Variants in SCN3A observed in about 807,000 individuals in gnomAD.
SCN3A encodes the protein sodium channel protein type 3 subunit alpha.
SCN3A carries 60 observed loss-of-function variants against 187.6 expected under a neutral mutation model. That is an observed-to-expected ratio of 0.32 (90% CI 0.26 to 0.40). SCN3A has a LOEUF of 0.40. SCN3A is among the 10% of genes least tolerant of loss of function. The pLI, the probability that SCN3A is intolerant of heterozygous loss-of-function variation, is 1.00. For missense variants in SCN3A, 1,601 were observed against 2,428.2 expected (o/e 0.66, Z 7.16); for synonymous variants, 788 against 829.2 (o/e 0.95, Z 0.85).
chr2:165,163,951 C>A, intron 6 of SCN3A: 18 of 1,478,728 alleles, frequency 1.2e-5, no homozygotes, highest in Non-Finnish European at 1.7e-5. Flanking sequence ...TAAATAAGGA[C>A]TTAATGCTGG....
chr2:165,186,814 C>T (rs1244267237), intron 1 of SCN3A, 67 bp from the exon 2 acceptor site: 2 of 150,560 alleles, frequency 1.3e-5, no homozygotes, highest in Non-Finnish European at 2.9e-5. Context: ...GGTGCTCTGG[C>T]TCTGTGTCTG....
At chr2:165,126,697 A>G (rs1343188215) in intron 18 of SCN3A, among the ~76,000 whole-genome samples, 1 of 141,256 alleles carries the variant, frequency 7.1e-6, no homozygotes, top group Non-Finnish European at 1.5e-5. Context: ...TCTCTTTCCT[A>G]GTAACACAAC....
intron 23 of SCN3A, among the ~76,000 whole-genome samples, chr2:165,096,862 C>T (rs1685386190): frequency 6.6e-6 from 1 of 152,088 alleles, no homozygotes; most frequent in Non-Finnish European, 1.5e-5. Context: ...ATTTCTTAGA[C>T]ATTGTTATAA....
chr2:165,115,663 A>G (rs1686336696), intron 18 of SCN3A, 88 bp from the exon 19 acceptor site: 11 of 1,175,550 alleles, frequency 9.4e-6, no homozygotes, highest in African/African-American at 1.5e-5. Context: ...TGAAAAAAAA[A>G]TAGTAGTGAT....
intron 1 of SCN3A, among the ~76,000 whole-genome samples, chr2:165,188,311 A>G (rs897424546): frequency 2.6e-5 from 4 of 152,168 alleles, no homozygotes; most frequent in African/African-American, 7.2e-5. Context: ...AATCCCAAGT[A>G]TCCATGGGAA....
chr2:165,187,728 A>C (rs1170273454), intron 1 of SCN3A, among the ~76,000 whole-genome samples: 1 of 152,170 alleles, frequency 6.6e-6, no homozygotes, highest in Admixed American at 6.5e-5. Flanking sequence ...GAATCACTTT[A>C]GCAAAGTATG....
intron 15 of SCN3A, among the ~76,000 whole-genome samples, chr2:165,134,073 A>C (rs1456883145): frequency 6.6e-6 from 1 of 152,176 alleles, no homozygotes. Context: ...TAATGGATTA[A>C]TAGAGCAAGA....
intron 1 of SCN3A, among the ~76,000 whole-genome samples, chr2:165,199,035 T>G (rs1010313849): frequency 2.6e-5 from 4 of 152,104 alleles, no homozygotes; most frequent in Admixed American, 6.6e-5. Flanking sequence ...TGGAATTTAG[T>G]GAATTATTCC....
intron 18 of SCN3A, chr2:165,122,725 A>G (rs1300588704): frequency 6.6e-6 from 1 of 152,216 alleles, no homozygotes; most frequent in Non-Finnish European, 1.5e-5. Flanking sequence ...CTTCCTTGCC[A>G]TGGCAGGGGA....
intron 21 of SCN3A, among the ~76,000 whole-genome samples, chr2:165,103,443 T>C (rs1050795465): frequency 2.0e-5 from 3 of 152,224 alleles, no homozygotes; most frequent in Non-Finnish European, 4.4e-5. Context: ...TTATCTCTTT[T>C]GTGCTAAACA....
At chr2:165,091,395 T>C (rs756790364) in intron 27 of SCN3A, 50 bp from the exon 28 acceptor site, 30 of 1,607,586 alleles carry the variant, frequency 1.9e-5, no homozygotes, top group Admixed American at 6.7e-5. Context: ...TTCACTTACA[T>C]GATGGCTTTA....
chr2:165,132,222 T>A (rs1186232516), intron 15 of SCN3A, among the ~76,000 whole-genome samples: 1 of 152,112 alleles, frequency 6.6e-6, no homozygotes, highest in Non-Finnish European at 1.5e-5. Context: ...AATTTATAGA[T>A]TCAATGGCAT....
intron 1 of SCN3A, among the ~76,000 whole-genome samples, chr2:165,189,775 T>A (rs993413717): frequency 6.6e-6 from 1 of 152,194 alleles, no homozygotes; most frequent in Non-Finnish European, 1.5e-5. Context: ...AATTTTTGTC[T>A]TACTATGGCT....
chr2:165,162,411 T>C, intron 8 of SCN3A, 40 bp from the exon 9 acceptor site: 2 of 1,603,392 alleles, frequency 1.2e-6, no homozygotes, highest in Non-Finnish European at 1.7e-6. Context: ...TTCATATTAA[T>C]CCTATTCACA....
chr2:165,120,133 G>T (rs117818322), intron 18 of SCN3A, among the ~76,000 whole-genome samples: 1 of 152,000 alleles, frequency 6.6e-6, no homozygotes, highest in Non-Finnish European at 1.5e-5. Context: ...TAATTCAGCC[G>T]CAGAAAACAT....
At chr2:165,165,176 T>G (rs1028567324) in intron 5 of SCN3A, among the ~76,000 whole-genome samples, 12 of 152,094 alleles carry the variant, frequency 7.9e-5, no homozygotes, top group African/African-American at 2.9e-4. Flanking sequence ...TTAAGAATCA[T>G]GTAGAGTTAT....
At chr2:165,156,209 A>G (rs1689014267) in intron 9 of SCN3A, among the ~76,000 whole-genome samples, 1 of 152,138 alleles carries the variant, frequency 6.6e-6, no homozygotes, top group African/African-American at 2.4e-5. Context: ...GGCAAGAATC[A>G]ATAGTTAAAA....
intron 18 of SCN3A, among the ~76,000 whole-genome samples, chr2:165,123,649 A>G (rs756286122): frequency 6.6e-6 from 1 of 152,202 alleles, no homozygotes; most frequent in Non-Finnish European, 1.5e-5. Flanking sequence ...CCTAAGAAAC[A>G]TGAACCAAAA....
At chr2:165,102,236 T>G (rs1685640915) in intron 21 of SCN3A, among the ~76,000 whole-genome samples, 1 of 152,134 alleles carries the variant, frequency 6.6e-6, no homozygotes, top group Non-Finnish European at 1.5e-5. Flanking sequence ...TAAAACTGGG[T>G]GTGATGGCCT....
Sources: gnomAD v4.1 joint callset for allele counts (sites outside exome capture counted in the v4.1 genomes callset) on GRCh38, gnomAD v4.1.1 for gene constraint, MANE v1.5 for transcripts, NCBI Gene and HGNC (gene_info 2026-07-23, HGNC 2026-07-21) for gene names.